GATA4: variants seen among roughly 807,000 people sequenced by gnomAD.
GATA4 encodes transcription factor GATA-4.
In GATA4, 7 loss-of-function variants were observed where a neutral mutation model predicts 37.9. The ratio of observed to expected loss-of-function variants is 0.18; its 90% CI spans 0.11 to 0.35. The LOEUF is 0.35. GATA4 is among the 10% of genes least tolerant of loss of function. The pLI is 1.00. For missense variants in GATA4, 647 were observed against 653.0 expected (o/e 0.99, Z 0.10); for synonymous variants, 372 against 292.6 (o/e 1.27, Z -2.77).
intron 2 of GATA4, among the ~76,000 whole-genome samples, chr8:11,739,153 C>G (rs1801601288): frequency 6.6e-6 from 1 of 152,234 alleles, no homozygotes; most frequent in Non-Finnish European, 1.5e-5. Flanking sequence ...TCCAATCCTG[C>G]AGTGCCTAGG....
At chr8:11,714,431 T>C (rs1009356159) in intron 2 of GATA4, among the ~76,000 whole-genome samples, 4 of 152,240 alleles carry the variant, frequency 2.6e-5, no homozygotes, top group Admixed American at 6.5e-5. Flanking sequence ...GCTTATCAAG[T>C]ACGCTAGTGG....
At chr8:11,740,484 GGGCA>G (rs1801677202) in intron 2 of GATA4, among the ~76,000 whole-genome samples, 2 of 152,220 alleles carry the variant, frequency 1.3e-5, no homozygotes, top group African/African-American at 4.8e-5. Context: ...GGGGACTGCT[GGGCA>G]GGGTCCCTGC....
chr8:11,730,383 A>G (rs1237596881), intron 2 of GATA4, among the ~76,000 whole-genome samples: 1 of 152,180 alleles, frequency 6.6e-6, no homozygotes, highest in Non-Finnish European at 1.5e-5. Context: ...GGGCCCTTCT[A>G]CCTCTGATGA....
rs878854481 is a variant in GATA4, at chr8:11,757,070, G to T, written c.1136G>T (p.Ser379Ile). ...PGLSSHYGHS[S>I]SVSQTFSVSA... ...CTGTCATCTCACTACGGGCACAGCA[G>T]CTCCGTGTCCCAGGTACGCGCCATG... The change falls in exon 6 of 7, where the codon AGC (serine) becomes ATC (isoleucine). Residue 379 changes from serine to isoleucine, a missense_variant. Coordinates refer to ENST00000532059, the MANE Select transcript of GATA4 (RefSeq NM_001308093.3). The T allele has an allele frequency of 4.6e-5, 74 of 1,613,986 alleles. No individual in the cohort carries two copies. The highest frequency in any genetic ancestry group is 5.7e-5 in the Non-Finnish European group (67 of 1,179,974).
At chr8:11,735,772 G>C (rs1801424490) in intron 2 of GATA4, among the ~76,000 whole-genome samples, 1 of 152,172 alleles carries the variant, frequency 6.6e-6, no homozygotes, top group Non-Finnish European at 1.5e-5. Context: ...TGTTGGTCAG[G>C]CTGGTCTCGA....
intron 2 of GATA4, among the ~76,000 whole-genome samples, chr8:11,731,858 A>C (rs769892156): frequency 2.0e-5 from 3 of 152,206 alleles, no homozygotes. Flanking sequence ...CTTTGGCCAA[A>C]GGTGTAAGTA....
At chr8:11,713,101 G>A (rs1162912513) in intron 2 of GATA4, among the ~76,000 whole-genome samples, 4 of 151,868 alleles carry the variant, frequency 2.6e-5, no homozygotes, top group Non-Finnish European at 5.9e-5. Context: ...TCTTGCCATA[G>A]TTCTTATGTT....
In GATA4 at chr8:11,750,102, G is replaced by T; in HGVS notation, c.787-9G>T. 1 of 1,614,080 alleles carries T rather than the reference G, an allele frequency of 6.2e-7. No homozygotes were observed. Among genetic ancestry groups the T allele is most frequent in the Non-Finnish European group, 8.5e-7 (1 of 1,180,040 alleles). On this transcript the variant is annotated splice_polypyrimidine_tract_variant and intron_variant, in intron 3 of 6. Coordinates refer to ENST00000532059, the MANE Select transcript of GATA4 (RefSeq NM_001308093.3). ...CTTGGACATGAAGCATTTGTTTCCT[G>T]TCTTGCAGTCCGCCTCCCGCCGAGT...
chr8:11,723,337 T>C (rs1800760737), intron 2 of GATA4, among the ~76,000 whole-genome samples: 1 of 151,366 alleles, frequency 6.6e-6, no homozygotes, highest in Admixed American at 6.6e-5. Flanking sequence ...CAAGACCCTG[T>C]GTTAAAAAAA....
At position 11,758,992 on chromosome 8, in the gene GATA4, T is replaced by C. The variant is rs884662; in HGVS notation, c.*517T>C. Reference sequence around the variant, plus strand: ...CCTAATACCAAATCTGACTCCAAAATTGTGGGGTGTGACATACAAGTGACT... The same window carrying C: ...CCTAATACCAAATCTGACTCCAAAACTGTGGGGTGTGACATACAAGTGACT... On this transcript the variant is annotated 3_prime_UTR_variant, in exon 7 of 7. Transcript: ENST00000532059. The C allele has an allele frequency of 0.31, 63,875 of 206,004 alleles. 10,294 individuals are homozygous for C. Among genetic ancestry groups the C allele is most frequent in the African/African-American group, 0.34 (14,787 of 43,428 alleles). The allele number at this position is 206,004 out of a possible 1,614,324, so 12.8% of individuals were successfully genotyped here. A position where few individuals can be genotyped will look rare whatever the true frequency, so the allele number is the denominator to read the frequency against.
chr8:11,750,263 A>G, intron 4 of GATA4, 27 bp downstream of exon 4: 2 of 1,610,438 alleles, frequency 1.2e-6, no homozygotes, highest in Non-Finnish European at 1.7e-6. Flanking sequence ...CCCATGCGGC[A>G]TCCTTGCCTT....
chr8:11,726,606 G>A (rs1800935567), intron 2 of GATA4, among the ~76,000 whole-genome samples: 1 of 152,152 alleles, frequency 6.6e-6, no homozygotes, highest in Non-Finnish European at 1.5e-5. Flanking sequence ...GAGAGCAGGA[G>A]AGAGCCCCCA....
At chr8:11,758,255 G>T in intron 6 of GATA4, 38 bp from the exon 7 acceptor site, 1 of 1,612,012 alleles carries the variant, frequency 6.2e-7, no homozygotes, top group Non-Finnish European at 8.5e-7. Context: ...CCTCAGGAGC[G>T]TCTCCATGGG....
Position 11,750,421 on chromosome 8 carries a change from C to T in GATA4, c.912+185C>T, listed in dbSNP as rs3729848. Among the ~76,000 whole-genome samples the T allele has an allele frequency of 0.14, 21,883 of 152,182 alleles. 1,876 individuals carry two copies. Among genetic ancestry groups the T allele is most frequent in the South Asian group, 0.28 (1,347 of 4,822 alleles). Reference sequence around the variant, plus strand: ...CTTTACATTGTATAAGTGAATTTTCCGTTTTACAGATGAGCAGGCTACATT... The same window carrying T: ...CTTTACATTGTATAAGTGAATTTTCTGTTTTACAGATGAGCAGGCTACATT... On this transcript the variant is annotated intron_variant, in intron 4 of 6. Transcript: ENST00000532059.
intron 2 of GATA4, among the ~76,000 whole-genome samples, chr8:11,748,422 A>G (rs116709031): frequency 2.7e-3 from 410 of 152,346 alleles, no homozygotes; most frequent in African/African-American, 9.3e-3. Context: ...ACAGTCTTAC[A>G]AAGGATACAA....
upstream of GATA4, among the ~76,000 whole-genome samples, chr8:11,689,156 CT>C (rs568743743): frequency 9.2e-5 from 14 of 152,188 alleles, no homozygotes; most frequent in Non-Finnish European, 2.1e-4. Context: ...TTCACTGTCC[CT>C]CCCCAGGGAT....
At chr8:11,728,223 A>C (rs1211842319) in intron 2 of GATA4, among the ~76,000 whole-genome samples, 1 of 152,234 alleles carries the variant, frequency 6.6e-6, no homozygotes, top group East Asian at 1.9e-4. Flanking sequence ...TCCTTATGTC[A>C]GGTGATCCAC....
At chr8:11,705,367 C>G (rs895135252) in intron 1 of GATA4, among the ~76,000 whole-genome samples, 8 of 152,220 alleles carry the variant, frequency 5.3e-5, no homozygotes, top group African/African-American at 1.7e-4. Flanking sequence ...TGCGACCGTC[C>G]TCCTCGCTGC....
Position 11,710,075 on chromosome 8 carries a change from A to C in GATA4, c.616+1147A>C, listed in dbSNP as rs112044096. 5.7e-3 allele frequency among the ~76,000 whole-genome samples: 872 copies of C among 152,316 alleles called. 8 individuals are homozygous for C. The highest frequency in any genetic ancestry group is 0.019 in the African/African-American group (795 of 41,578). ...TAAAGGCTACCCCTGCCAGGTTTCCAGTCTTGGGCTGGCTCCGAGAAGGGC... is the reference window on the plus strand; with the variant it reads ...TAAAGGCTACCCCTGCCAGGTTTCCCGTCTTGGGCTGGCTCCGAGAAGGGC... On this transcript the variant is annotated intron_variant, in intron 2 of 6. Transcript: ENST00000532059.
Sources: allele counts gnomAD v4.1 joint callset (sites outside exome capture counted in the v4.1 genomes callset), GRCh38; gene constraint gnomAD v4.1.1; transcripts MANE v1.5; gene names NCBI Gene and HGNC (gene_info 2026-07-23, HGNC 2026-07-21).